The following UBR1 variants were observed in gnomAD, a reference collection of about 807,000 sequenced individuals.
UBR1 encodes the protein E3 ubiquitin-protein ligase UBR1.
In UBR1, 102 loss-of-function variants were observed where a neutral mutation model predicts 242.1. The ratio of observed to expected loss-of-function variants is 0.42; its 90% CI spans 0.36 to 0.50. The LOEUF (loss-of-function observed/expected upper bound fraction) is 0.50. Among genes scored for constraint, UBR1 ranks in the 20% least tolerant of loss-of-function variants. UBR1 has a pLI of 0.01. For missense variants in UBR1, 1,772 were observed against 2,101.8 expected (o/e 0.84, Z 3.07); for synonymous variants, 675 against 684.8 (o/e 0.99, Z 0.22).
intron 37 of UBR1, among the ~76,000 whole-genome samples, chr15:42,980,514 A>G (rs970362097): frequency 1.3e-5 from 2 of 152,208 alleles, no homozygotes; most frequent in Non-Finnish European, 2.9e-5. Flanking sequence ...GATGGTGACT[A>G]GAAATTAGAT....
chr15:43,097,270 A>G (rs184086991), intron 1 of UBR1, among the ~76,000 whole-genome samples: 20 of 152,332 alleles, frequency 1.3e-4, no homozygotes, highest in Middle Eastern at 3.4e-3. Context: ...GTGGACTTAA[A>G]ATATTCAGTA....
intron 32 of UBR1, among the ~76,000 whole-genome samples, chr15:43,000,326 G>A (rs950913407): frequency 6.6e-6 from 1 of 152,132 alleles, no homozygotes; most frequent in Non-Finnish European, 1.5e-5. Flanking sequence ...AGAGTTTTAA[G>A]GATCAGTTTT....
At chr15:42,998,770 C>T (rs1158233401) in intron 32 of UBR1, among the ~76,000 whole-genome samples, 1 of 152,084 alleles carries the variant, frequency 6.6e-6, no homozygotes, top group Non-Finnish European at 1.5e-5. Flanking sequence ...AGTATGAATT[C>T]ATCATACAGC....
chr15:43,084,337 G>C (rs2034007859), intron 2 of UBR1, among the ~76,000 whole-genome samples: 1 of 152,110 alleles, frequency 6.6e-6, no homozygotes, highest in Middle Eastern at 3.4e-3. Flanking sequence ...GGAGACATGA[G>C]GTCTGCAAAT....
chr15:42,945,258 A>G lies in UBR1; in HGVS notation c.*71T>C. 1 of 1,610,432 alleles carries G rather than the reference A, an allele frequency of 6.2e-7. No individual in the cohort carries two copies. Among genetic ancestry groups the G allele is most frequent in the Non-Finnish European group, 8.5e-7 (1 of 1,177,508 alleles). On this transcript the variant is annotated 3_prime_UTR_variant, in exon 47 of 47. Coordinates refer to ENST00000290650, the MANE Select transcript of UBR1 (RefSeq NM_174916.3). ...TCCAATACTTTCCCAGCCCTCAGAA[A>G]GTTTTCCATAATTTTGAATCAGCCT...
At chr15:43,076,804 G>A (rs1302621597) in intron 3 of UBR1, among the ~76,000 whole-genome samples, 2 of 125,388 alleles carry the variant, frequency 1.6e-5, no homozygotes, top group Non-Finnish European at 3.5e-5. Context: ...CCGGCCAGCC[G>A]CCCCGTCCGG....
intron 27 of UBR1, among the ~76,000 whole-genome samples, chr15:43,019,761 A>ATTTTTT (rs11413335): frequency 1.4e-5 from 2 of 138,202 alleles, no homozygotes; most frequent in Non-Finnish European, 3.1e-5. Context: ...CGCCCAGCTA[A>ATTTTTT]TTTTTTTTTT....
intron 33 of UBR1, 135 bp downstream of exon 33, chr15:42,998,033 G>T: frequency 3.8e-6 from 3 of 783,594 alleles, no homozygotes; most frequent in South Asian, 1.8e-5. Context: ...CTTATTTTTA[G>T]CTTCAAAAAC....
chr15:43,099,655 C>CTCAT (rs566890756), intron 1 of UBR1, among the ~76,000 whole-genome samples: 415 of 152,254 alleles, frequency 2.7e-3, no homozygotes, highest in African/African-American at 9.2e-3. Flanking sequence ...TCAGTGTCTT[C>CTCAT]TCATTCATTC....
At chr15:43,032,542 T>C (rs1286205902) in intron 20 of UBR1, 26 bp downstream of exon 20, 1 of 1,481,386 alleles carries the variant, frequency 6.8e-7, no homozygotes, top group Admixed American at 1.7e-5. Flanking sequence ...CATGTTCTAT[T>C]TCAAAACATT....
chr15:42,994,883 G>A (rs1317687582), intron 33 of UBR1, among the ~76,000 whole-genome samples: 2 of 152,032 alleles, frequency 1.3e-5, no homozygotes, highest in Non-Finnish European at 2.9e-5. Context: ...ATCTATCTGC[G>A]GCACCACTCC....
intron 14 of UBR1, among the ~76,000 whole-genome samples, chr15:43,045,794 G>C (rs1025323498): frequency 6.6e-6 from 1 of 152,182 alleles, no homozygotes; most frequent in Non-Finnish European, 1.5e-5. Flanking sequence ...GGAATGTCTC[G>C]TTTAGCAGGC....
intron 14 of UBR1, among the ~76,000 whole-genome samples, chr15:43,043,929 G>C (rs1349393715): frequency 6.6e-6 from 1 of 152,012 alleles, no homozygotes; most frequent in Non-Finnish European, 1.5e-5. Flanking sequence ...GCTCTAAGAG[G>C]GGGGAAAAAA....
intron 19 of UBR1, among the ~76,000 whole-genome samples, chr15:43,035,548 T>C (rs12913617): frequency 0.8 from 116,378 of 146,106 alleles, 47,431 homozygotes; most frequent in Non-Finnish European, 0.88. Context: ...GATGAGTAGG[T>C]TGCGAAAATT....
chr15:43,066,126 CTTGAG>C (rs1164900321), intron 6 of UBR1, among the ~76,000 whole-genome samples: 1 of 152,048 alleles, frequency 6.6e-6, no homozygotes, highest in African/African-American at 2.4e-5. Flanking sequence ...TTTAATCTAT[CTTGAG>C]TTAATTTTTG....
At chr15:42,961,468 G>C (rs1301722770) in intron 42 of UBR1, among the ~76,000 whole-genome samples, 1 of 149,284 alleles carries the variant, frequency 6.7e-6, no homozygotes, top group Non-Finnish European at 1.5e-5. Flanking sequence ...CTGTCACCCA[G>C]GCTGGAGTGC....
At chr15:43,049,388 C>G (rs1449842422) in intron 12 of UBR1, among the ~76,000 whole-genome samples, 1 of 152,084 alleles carries the variant, frequency 6.6e-6, no homozygotes, top group African/African-American at 2.4e-5. Context: ...ACAGTGAAAC[C>G]CCGTCTCTAC....
chr15:42,956,901 G>GC (rs560065511), intron 44 of UBR1, among the ~76,000 whole-genome samples: 30 of 152,274 alleles, frequency 2.0e-4, no homozygotes, highest in African/African-American at 7.0e-4. Flanking sequence ...GAAAAAAGGC[G>GC]CCCTCACACA....
intron 27 of UBR1, among the ~76,000 whole-genome samples, chr15:43,018,779 C>G (rs1476973899): frequency 6.6e-6 from 1 of 152,164 alleles, no homozygotes; most frequent in African/African-American, 2.4e-5. Context: ...AATCAACCAT[C>G]TGGATAGAGT....
Sources: allele counts gnomAD v4.1 joint callset (sites outside exome capture counted in the v4.1 genomes callset), GRCh38; gene constraint gnomAD v4.1.1; transcripts MANE v1.5; gene names NCBI Gene and HGNC (gene_info 2026-07-23, HGNC 2026-07-21).